KCNK2: variants seen among roughly 807,000 people sequenced by gnomAD.
KCNK2 encodes potassium two pore domain channel subfamily K member 2, also known as potassium channel subfamily K member 2.
A neutral mutation model predicts 40.5 loss-of-function variants in KCNK2; 21 were observed. The ratio of observed to expected loss-of-function variants is 0.52; its 90% CI spans 0.37 to 0.75. The LOEUF is 0.75. KCNK2 is among the 30% of genes least tolerant of loss of function. KCNK2 has a pLI of 0.00. For synonymous variants in KCNK2, 191 were observed against 202.2 expected (o/e 0.94, Z 0.47); for missense variants, 399 against 531.6 (o/e 0.75, Z 2.45).
At chr1:215,215,725 T>G in intron 6 of KCNK2, among the ~76,000 whole-genome samples, 1 of 152,288 alleles carries the variant, frequency 6.6e-6, no homozygotes, top group Non-Finnish European at 1.5e-5. Flanking sequence ...GAGTCCCATA[T>G]TTTATCCTTA....
chr1:215,093,831 T>A (rs1203671541), intron 2 of KCNK2, among the ~76,000 whole-genome samples: 1 of 20,896 alleles, frequency 4.8e-5, no homozygotes, highest in Non-Finnish European at 1.6e-4. Flanking sequence ...ATATTATATA[T>A]AAAATATATT....
intron 6 of KCNK2, among the ~76,000 whole-genome samples, chr1:215,227,377 C>A (rs542009501): frequency 4.9e-4 from 74 of 152,084 alleles, no homozygotes; most frequent in Non-Finnish European, 1.0e-3. Context: ...TGGGAAACAG[C>A]ATTCTGGATG....
chr1:215,071,655 T>A (rs1308397569), intron 1 of KCNK2, among the ~76,000 whole-genome samples: 1 of 152,290 alleles, frequency 6.6e-6, no homozygotes, highest in Admixed American at 6.5e-5. Context: ...AATGATTTAT[T>A]CTTTCAGAGA....
At chr1:215,189,281 A>C (rs1664569180) in intron 5 of KCNK2, among the ~76,000 whole-genome samples, 1 of 152,210 alleles carries the variant, frequency 6.6e-6, no homozygotes, top group Non-Finnish European at 1.5e-5. Flanking sequence ...GTGGAGAAAA[A>C]ATTGAGGAGA....
At chr1:215,093,396 A>T (rs1295521763) in intron 2 of KCNK2, among the ~76,000 whole-genome samples, 1 of 135,414 alleles carries the variant, frequency 7.4e-6, no homozygotes, top group African/African-American at 2.8e-5. Flanking sequence ...TAATATACCT[A>T]TAATATACAT....
chr1:215,180,089 C>T (rs1664162472), intron 5 of KCNK2, among the ~76,000 whole-genome samples: 3 of 151,966 alleles, frequency 2.0e-5, no homozygotes, highest in Non-Finnish European at 2.9e-5. Context: ...CTTGTTGAAT[C>T]GAACCTCTTA....
intron 2 of KCNK2, among the ~76,000 whole-genome samples, chr1:215,104,235 C>T (rs538252260): frequency 1.4e-4 from 22 of 152,128 alleles, no homozygotes; most frequent in African/African-American, 3.9e-4. Flanking sequence ...TGGTCATTTT[C>T]CTAAGAGCAT....
intron 3 of KCNK2, among the ~76,000 whole-genome samples, chr1:215,142,539 G>A (rs1195571847): frequency 6.6e-6 from 1 of 152,078 alleles, no homozygotes; most frequent in Non-Finnish European, 1.5e-5. Context: ...GAGTCTAAAA[G>A]GTGATCTTTC....
chr1:215,083,432 G>A lies in KCNK2; in HGVS notation c.46+1G>A, dbSNP rs1558082435. On this transcript the variant is annotated splice_donor_variant, in intron 1 of 6. Transcript: ENST00000444842. LOFTEE classifies it high-confidence loss of function. The stretch of plus-strand genomic sequence containing the variant: ...GAGAGACCCGGCTATAGAGCAGGAG[G>A]TGAGACCCCCCCTCCGGTACCCCCA... 6 of 1,611,116 alleles carry A rather than the reference G, an allele frequency of 3.7e-6. No homozygotes were observed. Among genetic ancestry groups the A allele is most frequent in the Non-Finnish European group, 5.1e-6 (6 of 1,177,782 alleles).
intron 1 of KCNK2, among the ~76,000 whole-genome samples, chr1:215,068,248 C>T (rs1255407199): frequency 6.6e-6 from 1 of 152,042 alleles, no homozygotes; most frequent in Non-Finnish European, 1.5e-5. Flanking sequence ...GGGTACTCAA[C>T]CCCAAACTGA....
intron 4 of KCNK2, among the ~76,000 whole-genome samples, chr1:215,170,777 C>T (rs186841551): frequency 2.0e-4 from 30 of 152,110 alleles, no homozygotes; most frequent in East Asian, 1.5e-3. Context: ...GGCAGATTGA[C>T]GGCATAAACA....
chr1:215,147,166 T>C (rs1199640339), intron 3 of KCNK2, among the ~76,000 whole-genome samples: 1 of 152,180 alleles, frequency 6.6e-6, no homozygotes, highest in Non-Finnish European at 1.5e-5. Flanking sequence ...TTATTCATTT[T>C]TTTTCCTACA....
At chr1:215,223,645 C>T (rs537423567) in intron 6 of KCNK2, among the ~76,000 whole-genome samples, 48 of 152,174 alleles carry the variant, frequency 3.2e-4, no homozygotes, top group African/African-American at 1.1e-3. Context: ...CCATAGAACA[C>T]CTGGAAGAAT....
chr1:215,061,884 G>C (rs1658373193), intron 1 of KCNK2, among the ~76,000 whole-genome samples: 1 of 151,946 alleles, frequency 6.6e-6, no homozygotes, highest in South Asian at 2.1e-4. Context: ...AATTGTCTAA[G>C]GGTAGGAGGA....
intron 1 of KCNK2, among the ~76,000 whole-genome samples, chr1:215,073,092 C>G (rs1299039166): frequency 6.6e-6 from 1 of 152,084 alleles, no homozygotes; most frequent in African/African-American, 2.4e-5. Flanking sequence ...TGAAGACACA[C>G]AGAGAGAAGG....
chr1:215,021,151 A>G (rs1656771397), intron 1 of KCNK2, among the ~76,000 whole-genome samples: 1 of 152,194 alleles, frequency 6.6e-6, no homozygotes, highest in African/African-American at 2.4e-5. Flanking sequence ...TGCTTCAGGT[A>G]GTCATATTAA....
At chr1:215,093,202 A>G (rs1659766839) in intron 2 of KCNK2, among the ~76,000 whole-genome samples, 2 of 151,780 alleles carry the variant, frequency 1.3e-5, no homozygotes, top group African/African-American at 4.8e-5. Context: ...TGTAAGGACT[A>G]GAATCCAAAA....
rs114638532 is a variant in KCNK2, at chr1:215,048,736, G to C, written c.35-37632G>C. On this transcript the variant is annotated intron_variant, in intron 1 of 6. Transcript: ENST00000391895. The stretch of plus-strand genomic sequence containing the variant: ...AGAGGACAGTAGGGATTAAAATCCA[G>C]CCCTACTAATGCATAAAGCTCTGTT... 7.7e-3 allele frequency among the ~76,000 whole-genome samples: 1,177 copies of C among 152,282 alleles called. 5 individuals are homozygous for C. Among genetic ancestry groups the C allele is most frequent in the Non-Finnish European group, 0.013 (900 of 68,026 alleles).
At chr1:215,052,359 G>T (rs1464540142) in intron 1 of KCNK2, among the ~76,000 whole-genome samples, 1 of 152,228 alleles carries the variant, frequency 6.6e-6, no homozygotes, top group Non-Finnish European at 1.5e-5. Flanking sequence ...GCAGAGGATG[G>T]ACTGATGGAA....
Sources: gnomAD v4.1 joint callset for allele counts (sites outside exome capture counted in the v4.1 genomes callset) on GRCh38, gnomAD v4.1.1 for gene constraint, MANE v1.5 for transcripts, NCBI Gene and HGNC (gene_info 2026-07-23, HGNC 2026-07-21) for gene names.